The following PAM variants were observed in gnomAD, a reference collection of about 807,000 sequenced individuals.
The protein encoded by PAM is peptidylglycine alpha-amidating monooxygenase.
A neutral mutation model predicts 122.1 loss-of-function variants in PAM; 72 were observed. That is an observed-to-expected ratio of 0.59 (90% CI 0.49 to 0.72). The LOEUF (loss-of-function observed/expected upper bound fraction) is 0.72. Ranked by LOEUF, PAM falls within the 30% of genes least tolerant of loss-of-function variation. PAM has a pLI of 0.00. For synonymous variants in PAM, 389 were observed against 404.4 expected, an observed-to-expected ratio of 0.96 and a Z score of 0.46; for missense variants, 1,106 against 1,183.7, an observed-to-expected ratio of 0.93 and a Z score of 0.96.
intron 3 of PAM, among the ~76,000 whole-genome samples, chr5:102,883,474 A>G (rs1373580522): frequency 6.6e-6 from 1 of 151,752 alleles, no homozygotes; most frequent in African/African-American, 2.4e-5. Flanking sequence ...TTTTACAGCT[A>G]TTGTAAAAGG....
chr5:103,015,709 C>T (rs967501804), intron 21 of PAM, among the ~76,000 whole-genome samples: 31 of 152,138 alleles, frequency 2.0e-4, no homozygotes, highest in African/African-American at 7.5e-4. Context: ...CCCCAAAGTA[C>T]TGTATTTCTA....
chr5:102,889,608 C>T (rs1340229048), intron 3 of PAM, among the ~76,000 whole-genome samples: 1 of 151,800 alleles, frequency 6.6e-6, no homozygotes, highest in African/African-American at 2.4e-5. Context: ...TAAATATTAA[C>T]TATAGCAAAT....
intron 1 of PAM, among the ~76,000 whole-genome samples, chr5:102,836,389 C>T (rs1777041428): frequency 6.6e-6 from 1 of 151,962 alleles, no homozygotes; most frequent in African/African-American, 2.4e-5. Context: ...TGAAACATTC[C>T]TTTTTGTTTT....
In PAM at chr5:102,830,774, G is replaced by C. The variant is rs1308277032; in HGVS notation, c.-373-35049G>C. Among the ~76,000 whole-genome samples, 4 of 152,212 alleles carry C rather than the reference G, an allele frequency of 2.6e-5. No individual in the cohort carries two copies. The East Asian group carries it at 7.7e-4, about 29-fold the overall frequency. On this transcript the variant is annotated intron_variant, in intron 1 of 25. Transcript: ENST00000438793. ...TATGCTGTCTAGATTGCTGAATAAT[G>C]TTTGTCTTCTATTAATTAAGAATTC...
rs866370639 is a variant in PAM, at chr5:102,842,200, A to G, written c.-373-23623A>G. ...AATAATTTAACTTTACAAAAATACAACCTAAATATATATATATATATATAT... is the reference window on the plus strand; with the variant it reads ...AATAATTTAACTTTACAAAAATACAGCCTAAATATATATATATATATATAT... On this transcript the variant is annotated intron_variant, in intron 1 of 25. Coordinates refer to ENST00000438793, the MANE Select transcript of PAM (RefSeq NM_001177306.2). 2.7e-5 allele frequency among the ~76,000 whole-genome samples: 4 copies of G among 148,630 alleles called. No individual in the cohort carries two copies. In the South Asian group the frequency reaches 6.4e-4, roughly 24 times the overall value.
At chr5:102,828,269 C>G (rs1223591224) in intron 1 of PAM, among the ~76,000 whole-genome samples, 1 of 151,950 alleles carries the variant, frequency 6.6e-6, no homozygotes, top group African/African-American at 2.4e-5. Context: ...ATTGATTGAG[C>G]CTAGAAGGCG....
chr5:102,909,001 A>G (rs940192557), intron 4 of PAM, among the ~76,000 whole-genome samples: 5 of 151,836 alleles, frequency 3.3e-5, no homozygotes, highest in South Asian at 4.1e-4. Flanking sequence ...GAGCATTACT[A>G]TCTTTACTTT....
At position 102,926,688 on chromosome 5, in the gene PAM, A is replaced by G. The variant is rs115495857; in HGVS notation, c.526+20A>G. ...TTAGAGGTAAGTTTTGAAGTGTTGG[A>G]ACTAAGCAAAACTTCTAGTACTATA... On this transcript the variant is annotated intron_variant, in intron 7 of 25. Coordinates refer to ENST00000438793, the MANE Select transcript of PAM (RefSeq NM_001177306.2). 9.4e-4 allele frequency: 1,077 copies of G among 1,141,594 alleles called. 3 individuals are homozygous for G. In the African/African-American group the frequency reaches 0.015, roughly 16 times the overall value. The allele number at this position is 1,141,594 out of a possible 1,614,324, so 70.7% of individuals were successfully genotyped here. A position where few individuals can be genotyped will look rare whatever the true frequency, so the allele number is the denominator to read the frequency against.
chr5:102,982,160 A>C (rs1022007375), intron 15 of PAM, among the ~76,000 whole-genome samples: 2 of 151,738 alleles, frequency 1.3e-5, no homozygotes, highest in Admixed American at 6.6e-5. Flanking sequence ...GTGTCTGTGC[A>C]CTCCTCCCAG....
At chr5:102,791,050 T>C (rs1761931531) in intron 1 of PAM, among the ~76,000 whole-genome samples, 1 of 152,114 alleles carries the variant, frequency 6.6e-6, no homozygotes, top group African/African-American at 2.4e-5. Flanking sequence ...GAACATTTTC[T>C]CCTGTCACTA....
At chr5:102,955,291 A>T (rs564388035) in intron 12 of PAM, among the ~76,000 whole-genome samples, 1 of 152,136 alleles carries the variant, frequency 6.6e-6, no homozygotes, top group African/African-American at 2.4e-5. Flanking sequence ...ATTTTAATAA[A>T]AGCTCTCATG....
intron 1 of PAM, among the ~76,000 whole-genome samples, chr5:102,778,141 G>A (rs539070473): frequency 1.3e-5 from 2 of 152,144 alleles, no homozygotes; most frequent in South Asian, 2.1e-4. Context: ...AAAAGGAGGC[G>A]GGTGAGTTGC....
intron 17 of PAM, 49 bp from the exon 18 acceptor site, chr5:103,005,105 A>G: frequency 9.4e-7 from 1 of 1,066,974 alleles, no homozygotes; most frequent in South Asian, 1.3e-5. Context: ...TCTGTCACAT[A>G]TGCCTTGAGA....
intron 24 of PAM, among the ~76,000 whole-genome samples, chr5:103,027,242 G>A (rs1295317591): frequency 1.3e-5 from 2 of 152,318 alleles, no homozygotes; most frequent in East Asian, 3.9e-4. Context: ...ACTAAGGAAT[G>A]TCCTTGCAGA....
At chr5:102,787,932 A>C (rs1278968058) in intron 1 of PAM, among the ~76,000 whole-genome samples, 1 of 152,070 alleles carries the variant, frequency 6.6e-6, no homozygotes, top group Non-Finnish European at 1.5e-5. Context: ...TGCTATCATT[A>C]TTGGCAAATT....
chr5:102,983,598 C>T (rs182815954), intron 15 of PAM, among the ~76,000 whole-genome samples: 3 of 151,940 alleles, frequency 2.0e-5, no homozygotes, highest in Admixed American at 6.6e-5. Context: ...TAGAGATGGG[C>T]AAAGGCATAG....
chr5:102,990,142 G>C, intron 15 of PAM, 130 bp from the exon 16 acceptor site: 1 of 590,806 alleles, frequency 1.7e-6, no homozygotes, highest in South Asian at 4.9e-5. Context: ...GTAGAGCACG[G>C]CTTGATTGTC....
intron 1 of PAM, among the ~76,000 whole-genome samples, chr5:102,827,596 G>A (rs685708): frequency 0.69 from 103,583 of 150,024 alleles, 35,919 homozygotes; most frequent in South Asian, 0.81. Context: ...CATGAGGCGT[G>A]ATTTTTTATA....
chr5:102,821,404 C>A (rs1771853336), intron 1 of PAM, among the ~76,000 whole-genome samples: 1 of 152,230 alleles, frequency 6.6e-6, no homozygotes, highest in Admixed American at 6.5e-5. Context: ...TCACTCAAGT[C>A]CTCTTCCTCT....
Sources: gnomAD v4.1 joint callset for allele counts (sites outside exome capture counted in the v4.1 genomes callset) on GRCh38, gnomAD v4.1.1 for gene constraint, MANE v1.5 for transcripts, NCBI Gene and HGNC (gene_info 2026-07-23, HGNC 2026-07-21) for gene names.